Variants in LRSAM1 observed in about 807,000 individuals in gnomAD.
LRSAM1 encodes leucine rich repeat and sterile alpha motif containing 1, also known as E3 ubiquitin-protein ligase LRSAM1.
LRSAM1 carries 96 observed loss-of-function variants against 118.1 expected under a neutral mutation model. The ratio of observed to expected loss-of-function variants is 0.81; its 90% CI spans 0.69 to 0.96. The LOEUF (loss-of-function observed/expected upper bound fraction) is 0.96, where lower values mean the gene tolerates loss of function less well. Among genes scored for constraint, LRSAM1 ranks in the 40% least tolerant of loss-of-function variants. The probability of loss-of-function intolerance (pLI) is 0.00; values close to 1 mark genes in which losing one functional copy is unlikely to be tolerated. For synonymous variants in LRSAM1, 322 were observed against 364.2 expected (o/e 0.88, Z 1.32); for missense variants, 804 against 915.5 (o/e 0.88, Z 1.57).
At chr9:127,470,024 T>G (rs1389097942) in intron 10 of LRSAM1, among the ~76,000 whole-genome samples, 2 of 151,880 alleles carry the variant, frequency 1.3e-5, no homozygotes, top group East Asian at 3.8e-4. Context: ...AGCAAAGATG[T>G]GGAGCAACAG....
At chr9:127,488,666 T>C (rs1835819505) in intron 18 of LRSAM1, among the ~76,000 whole-genome samples, 1 of 151,720 alleles carries the variant, frequency 6.6e-6, no homozygotes, top group African/African-American at 2.4e-5. Flanking sequence ...TGATCACAGT[T>C]CACTGCAGCC....
In LRSAM1 at chr9:127,465,996, C is replaced by CAA. The variant is rs112364362; in HGVS notation, c.529-1737_529-1736dup. Among the ~76,000 whole-genome samples the CAA allele has an allele frequency of 4.1e-4, 62 of 151,696 alleles. No homozygotes were observed. The highest frequency in any genetic ancestry group is 7.2e-4 in the Non-Finnish European group (49 of 67,932). On this transcript the variant is annotated intron_variant, in intron 9 of 25. Transcript: ENST00000300417. This position sits in a 1 kb window ranked among gnomAD's most constrained non-coding sequence, Gnocchi z 4.1. ...AAAAGTCATACTGTATATTGTAAAA[C>CAA]AAAAAAAATGCAAATATTAAGAAAC... is the stretch of plus-strand genomic sequence containing the variant.
rs1835922848 is a variant in LRSAM1 at position 127,491,284 on chromosome 9, G to C, written c.1492G>C (p.Glu498Gln). ...GTTAAAGAGGAAGTCCCTGGACACA[G>C]AGTCACTCCAGGTATGTAGGGCTCC... ...LELKRKSLDT[E>Q]SLQEMISEQR... The change falls in exon 20 of 26, where the codon GAG (glutamate) becomes CAG (glutamine). Residue 498 changes from glutamate to glutamine, a missense_variant. Physicochemically the swap from Glu to Gln is conservative, Grantham distance 29 (BLOSUM62 2). Coordinates refer to ENST00000300417, the MANE Select transcript of LRSAM1 (RefSeq NM_001005373.4). 1 of 1,613,450 alleles carries C rather than the reference G, an allele frequency of 6.2e-7. No homozygotes were observed. Among genetic ancestry groups the C allele is most frequent in the Admixed American group, 1.7e-5 (1 of 60,004 alleles).
At position 127,491,339 on chromosome 9, in the gene LRSAM1, C is replaced by A. The variant is rs759995336; in HGVS notation, c.1503+44C>A. On this transcript the variant is annotated intron_variant, in intron 20 of 25. Transcript: ENST00000300417. The stretch of plus-strand genomic sequence containing the variant: ...CCCTGCCCTCCTTCACGTGGTGAGA[C>A]CCCCACCTGGTGCTCCCTCCCAGCC... 4.0e-6 allele frequency: 6 copies of A among 1,501,350 alleles called. No homozygotes were observed. The East Asian group carries it at 9.0e-5, about 23-fold the overall frequency. 93.0% of individuals were successfully genotyped at this position (1,501,350 alleles called of 1,614,324 possible).
At chr9:127,469,625 A>AC (rs997183515) in intron 10 of LRSAM1, among the ~76,000 whole-genome samples, 9 of 151,468 alleles carry the variant, frequency 5.9e-5, no homozygotes, top group Non-Finnish European at 1.3e-4. Flanking sequence ...CAATGGAAAA[A>AC]AAAAAACAAA....
chr9:127,457,816 G>A (rs955747228), intron 6 of LRSAM1, among the ~76,000 whole-genome samples: 1 of 152,194 alleles, frequency 6.6e-6, no homozygotes, highest in Non-Finnish European at 1.5e-5. Flanking sequence ...GTTATGCGCA[G>A]ACCTGAGCTT....
intron 17 of LRSAM1, among the ~76,000 whole-genome samples, chr9:127,486,937 C>T (rs906024839): frequency 6.6e-6 from 1 of 152,060 alleles, no homozygotes; most frequent in Non-Finnish European, 1.5e-5. Flanking sequence ...AATCCCAGCA[C>T]TTTGGGAGGC....
chr9:127,451,592 G>A lies in LRSAM1; in HGVS notation c.-266G>A. 1 of 542,788 alleles carries A rather than the reference G, an allele frequency of 1.8e-6. No homozygotes were observed. Among genetic ancestry groups the A allele is most frequent in the Non-Finnish European group, 3.3e-6 (1 of 300,544 alleles). The allele number at this position is 542,788 out of a possible 1,614,324, so 33.6% of individuals were successfully genotyped here. ...AGCTAGAGATTCCGAAAGGGGGTTCGGGTAGTTCGCTCCGGAGAAGTCTGA... is the reference window on the plus strand; with the variant it reads ...AGCTAGAGATTCCGAAAGGGGGTTCAGGTAGTTCGCTCCGGAGAAGTCTGA... On this transcript the variant is annotated 5_prime_UTR_variant, in exon 1 of 26. Coordinates refer to ENST00000300417, the MANE Select transcript of LRSAM1 (RefSeq NM_001005373.4).
chr9:127,496,040 A>G lies in LRSAM1; in HGVS notation c.1775A>G (p.His592Arg), dbSNP rs1039132247. ...SAEHYLPIFAHHRLSLDLLSQ... is the reference protein window; with the variant it reads ...SAEHYLPIFARHRLSLDLLSQ... ...GAGCACTACCTGCCCATCTTTGCGCACCACCGCCTCTCACTGGACCTGCTG... is the reference window on the plus strand; with the variant it reads ...GAGCACTACCTGCCCATCTTTGCGCGCCACCGCCTCTCACTGGACCTGCTG... Residue 592 changes from histidine to arginine, a missense_variant, in exon 23 of 26, where the codon CAC (histidine) becomes CGC (arginine). Transcript: ENST00000300417. 2 of 1,612,124 alleles carry G rather than the reference A, an allele frequency of 1.2e-6. No homozygotes were observed. The highest frequency in any genetic ancestry group is 4.5e-5 in the East Asian group (2 of 44,868).
chr9:127,497,981 T>C (rs551117117), intron 24 of LRSAM1, among the ~76,000 whole-genome samples: 1 of 152,302 alleles, frequency 6.6e-6, no homozygotes, highest in East Asian at 1.9e-4. Context: ...TCAGGTCCCA[T>C]TGCTGGCAGA....
intron 20 of LRSAM1, among the ~76,000 whole-genome samples, chr9:127,492,474 C>T (rs1284874304): frequency 2.0e-5 from 3 of 152,222 alleles, no homozygotes; most frequent in Non-Finnish European, 4.4e-5. Context: ...CACTGCTCCC[C>T]GCCATTTGCT....
chr9:127,497,287 T>C lies in LRSAM1; in HGVS notation c.1865T>C (p.Ile622Thr), dbSNP rs1836186699. The C allele has an allele frequency of 6.2e-7, 1 of 1,613,018 alleles. No individual in the cohort carries two copies. The highest frequency in any genetic ancestry group is 1.3e-5 in the African/African-American group (1 of 74,928). Residue 622 changes from isoleucine to threonine, a missense_variant, in exon 24 of 26, where the codon ATC becomes ACC. Ile to Thr is a moderately conservative substitution (Grantham distance 89). Transcript: ENST00000300417. ...GVSEAGLQHE[I>T]LRRVQELLDA... ...TCAGAAGCTGGCCTGCAGCACGAGA[T>C]CCTCCGGAGAGTCCAGGAACTGCTG...
chr9:127,480,046 G>C, intron 14 of LRSAM1, 68 bp downstream of exon 14: 10 of 1,605,290 alleles, frequency 6.2e-6, no homozygotes, highest in Non-Finnish European at 8.5e-6. Flanking sequence ...GAGCCGGGAG[G>C]AGTGTGTTTC....
At chr9:127,454,005 G>A (rs958161329) in intron 2 of LRSAM1, 8 of 257,636 alleles carry the variant, frequency 3.1e-5, no homozygotes, top group African/African-American at 1.2e-4. Flanking sequence ...TTACCCCATG[G>A]AACTCACTAG....
At chr9:127,461,344 C>A in intron 8 of LRSAM1, 87 bp downstream of exon 8, 2 of 1,242,156 alleles carry the variant, frequency 1.6e-6, no homozygotes, top group Non-Finnish European at 2.3e-6. Context: ...CGCCCGGGAG[C>A]CATTGAGCAG....
At chr9:127,487,196 A>C (rs985772340) in intron 17 of LRSAM1, among the ~76,000 whole-genome samples, 4 of 152,038 alleles carry the variant, frequency 2.6e-5, no homozygotes, top group African/African-American at 9.6e-5. Context: ...AAAAAAAAAA[A>C]AAAACAACCA....
intron 23 of LRSAM1, 119 bp downstream of exon 23, chr9:127,496,214 A>G: frequency 7.0e-7 from 1 of 1,436,144 alleles, no homozygotes. Flanking sequence ...CTAATGGCCC[A>G]GGGCCACCTT....
chr9:127,491,445 C>T (rs973140817), intron 20 of LRSAM1, 150 bp downstream of exon 20: 5 of 693,184 alleles, frequency 7.2e-6, no homozygotes, highest in Non-Finnish European at 1.3e-5. Flanking sequence ...GGCTGTGACA[C>T]CAGAGGACAC....
At chr9:127,476,167 G>A (rs929046807) in intron 11 of LRSAM1, among the ~76,000 whole-genome samples, 1 of 152,162 alleles carries the variant, frequency 6.6e-6, no homozygotes, top group Non-Finnish European at 1.5e-5. Context: ...TTGTAGTATT[G>A]GATGCCCCCC....
Sources: allele counts gnomAD v4.1 joint callset (sites outside exome capture counted in the v4.1 genomes callset), GRCh38; gene constraint gnomAD v4.1.1; non-coding constraint Gnocchi (gnomAD v3.1); transcripts MANE v1.5; gene names NCBI Gene and HGNC (gene_info 2026-07-23, HGNC 2026-07-21).